The following RPRD2 variants were observed in gnomAD, a reference collection of about 807,000 sequenced individuals.
RPRD2 encodes regulation of nuclear pre-mRNA domain containing 2, also known as regulation of nuclear pre-mRNA domain-containing protein 2.
A neutral mutation model predicts 104.4 loss-of-function variants in RPRD2; 12 were observed. That is an observed-to-expected ratio of 0.11 (90% confidence interval 0.07 to 0.19). The LOEUF is 0.19. Among genes scored for constraint, RPRD2 ranks in the 10% least tolerant of loss-of-function variants. RPRD2 has a pLI of 1.00. For synonymous variants in RPRD2, 714 were observed against 684.9 expected (o/e 1.04, Z -0.66); for missense variants, 1,543 against 1,790.1 (o/e 0.86, Z 2.49).
chr1:150,435,765 C>A (rs1323729708), intron 2 of RPRD2, among the ~76,000 whole-genome samples: 1 of 152,162 alleles, frequency 6.6e-6, no homozygotes, highest in African/African-American at 2.4e-5. Context: ...AGCAAGTTGT[C>A]CAGAGCTTCA....
chr1:150,379,733 C>T (rs587615080), intron 1 of RPRD2, among the ~76,000 whole-genome samples: 2 of 152,274 alleles, frequency 1.3e-5, no homozygotes, highest in South Asian at 4.1e-4. Context: ...GATGGGATTT[C>T]ACCATGTGTG....
intron 1 of RPRD2, among the ~76,000 whole-genome samples, chr1:150,392,625 G>A (rs1478355182): frequency 2.6e-5 from 4 of 152,152 alleles, no homozygotes; most frequent in Admixed American, 6.5e-5. Flanking sequence ...GGACTATCGC[G>A]TGAAGCCAGG....
intron 9 of RPRD2, among the ~76,000 whole-genome samples, chr1:150,461,300 T>A (rs1667917670): frequency 6.6e-6 from 1 of 152,066 alleles, no homozygotes. Context: ...AGGAAACCAC[T>A]TGTGTTTACC....
At chr1:150,391,323 T>A (rs1662045794) in intron 1 of RPRD2, among the ~76,000 whole-genome samples, 1 of 152,154 alleles carries the variant, frequency 6.6e-6, no homozygotes, top group African/African-American at 2.4e-5. Context: ...TTTAATTCAT[T>A]TATTTATTTT....
intron 2 of RPRD2, among the ~76,000 whole-genome samples, chr1:150,421,345 A>C (rs984611114): frequency 6.6e-6 from 1 of 152,204 alleles, no homozygotes; most frequent in Non-Finnish European, 1.5e-5. Flanking sequence ...AAATTTCAAA[A>C]ATTTAAAGGA....
At chr1:150,403,661 T>C (rs910896845) in intron 1 of RPRD2, among the ~76,000 whole-genome samples, 1 of 152,036 alleles carries the variant, frequency 6.6e-6, no homozygotes. Flanking sequence ...CAATATTTTT[T>C]TTTGTGTGTG....
intron 1 of RPRD2, among the ~76,000 whole-genome samples, chr1:150,407,209 C>T (rs1663550833): frequency 6.6e-6 from 1 of 152,160 alleles, no homozygotes; most frequent in Non-Finnish European, 1.5e-5. Context: ...ACAAGAACAT[C>T]TCATCAGAGG....
At chr1:150,366,864 G>A (rs1659881429) in intron 1 of RPRD2, among the ~76,000 whole-genome samples, 1 of 152,160 alleles carries the variant, frequency 6.6e-6, no homozygotes, top group Admixed American at 6.5e-5. Context: ...GGCTTTAACT[G>A]TATGGTTACA....
chr1:150,464,708 G>A lies in RPRD2; in HGVS notation c.1593G>A (p.Gln531=). ...CTGCACTTTCCAAAACCCAGACACA[G>A]TCAGCCCCTGCACTGCAAGGTAACT... ...ILSALSKTQT[Q]SAPALQGLSS... The change falls in exon 10 of 11, where the codon CAG becomes CAA. Residue 531 remains glutamine (Q), a synonymous_variant. Transcript: ENST00000369068. 6.2e-7 allele frequency: 1 copy of A among 1,612,618 alleles called. No homozygotes were observed. The highest frequency in any genetic ancestry group is 1.1e-5 in the South Asian group (1 of 90,892).
chr1:150,473,151 C>T lies in RPRD2; in HGVS notation c.4203C>T (p.Pro1401=), dbSNP rs182884075. 6.2e-7 allele frequency: 1 copy of T among 1,614,010 alleles called. No individual in the cohort carries two copies. The highest frequency in any genetic ancestry group is 1.7e-5 in the Admixed American group (1 of 60,034). Residue 1401 remains proline, a synonymous_variant, in exon 11 of 11, where the codon CCC becomes CCT. Coordinates refer to ENST00000369068, the MANE Select transcript of RPRD2 (RefSeq NM_015203.5). ...SNSSSGPPLG[P]SHRDTISRSG... is the part of the protein sequence containing the mutation. The stretch of plus-strand genomic sequence containing the variant: ...GCAGCAGTGGCCCCCCCTTGGGTCC[C>T]TCACACAGAGACACCATCAGCCGGA...
At chr1:150,460,018 G>T in intron 8 of RPRD2, 42 bp from the exon 9 acceptor site, 1 of 1,591,570 alleles carries the variant, frequency 6.3e-7, no homozygotes. Flanking sequence ...GCAAAGTCTG[G>T]AAAGTAGTAG....
intron 2 of RPRD2, among the ~76,000 whole-genome samples, chr1:150,438,823 T>G (rs1666201236): frequency 6.6e-6 from 1 of 152,014 alleles, no homozygotes; most frequent in South Asian, 2.1e-4. Context: ...GCTGTAACAA[T>G]GGTAAGTACA....
intron 1 of RPRD2, among the ~76,000 whole-genome samples, chr1:150,370,987 A>G (rs993163421): frequency 6.6e-5 from 10 of 152,116 alleles, no homozygotes; most frequent in Non-Finnish European, 1.0e-4. Flanking sequence ...TTTTTCACCT[A>G]TCTCCTTCAC....
intron 2 of RPRD2, among the ~76,000 whole-genome samples, chr1:150,420,558 G>A (rs114111756): frequency 0.02 from 3,066 of 152,284 alleles, 129 homozygotes; most frequent in African/African-American, 0.071. Flanking sequence ...AGGTGCAGTG[G>A]CTCATGCCTA....
At chr1:150,444,105 T>G in intron 5 of RPRD2, 146 bp from the exon 6 acceptor site, 1 of 699,984 alleles carries the variant, frequency 1.4e-6, no homozygotes, top group Non-Finnish European at 2.3e-6. Flanking sequence ...TGAGAAAAAG[T>G]GAAAAGTTTT....
intron 1 of RPRD2, among the ~76,000 whole-genome samples, chr1:150,400,931 C>T (rs1195959231): frequency 6.6e-6 from 1 of 151,860 alleles, no homozygotes; most frequent in Non-Finnish European, 1.5e-5. Flanking sequence ...GCTCCCAGCA[C>T]TTTGGGAGGC....
intron 5 of RPRD2, among the ~76,000 whole-genome samples, 156 bp downstream of exon 5, chr1:150,443,439 G>T (rs782420075): frequency 6.6e-6 from 1 of 152,164 alleles, no homozygotes; most frequent in Non-Finnish European, 1.5e-5. Flanking sequence ...ATTGGGATTA[G>T]ATTGCTTGGC....
intron 6 of RPRD2, among the ~76,000 whole-genome samples, chr1:150,445,583 T>C (rs1666702212): frequency 6.6e-6 from 1 of 152,226 alleles, no homozygotes; most frequent in East Asian, 1.9e-4. Flanking sequence ...CATTCTGTTA[T>C]TCCTAAGTAA....
intron 1 of RPRD2, among the ~76,000 whole-genome samples, chr1:150,382,123 A>G (rs1661180640): frequency 6.6e-6 from 1 of 152,192 alleles, no homozygotes; most frequent in African/African-American, 2.4e-5. Context: ...GCCTGTCTGC[A>G]TAAGCTTTTT....
Sources: gnomAD v4.1 joint callset for allele counts (sites outside exome capture counted in the v4.1 genomes callset) on GRCh38, gnomAD v4.1.1 for gene constraint, MANE v1.5 for transcripts, NCBI Gene and HGNC (gene_info 2026-07-23, HGNC 2026-07-21) for gene names.